Variants in STOX2 observed in about 807,000 individuals in gnomAD.
The protein encoded by STOX2 is storkhead box 2.
Under a neutral mutation model 60.9 loss-of-function variants are expected in STOX2, and 28 were observed. The ratio of observed to expected loss-of-function variants is 0.46; its 90% CI spans 0.34 to 0.63. STOX2 has a LOEUF of 0.63. Among genes scored for constraint, STOX2 ranks in the 30% least tolerant of loss-of-function variants. STOX2 has a pLI of 0.01. For synonymous variants in STOX2, 472 were observed against 463.9 expected (o/e 1.02, Z -0.22); for missense variants, 1,024 against 1,187.7 (o/e 0.86, Z 2.03).
rs1308557656 is a variant in STOX2 at position 184,019,667 on chromosome 4, C to T, written c.*2383C>T. The T allele has an allele frequency of 6.6e-6, 1 of 152,178 alleles. No homozygotes were observed. Among genetic ancestry groups the T allele is most frequent in the African/African-American group, 2.4e-5 (1 of 41,428 alleles). 9.4% of individuals were successfully genotyped at this position (152,178 alleles called of 1,614,324 possible). A position where few individuals can be genotyped will look rare whatever the true frequency, so the allele number is the denominator to read the frequency against. ...ACTATTTGCCTGATGCTATGGGGTA[C>T]ATAATTTTTTAAAAACTCCCTTAGA... On this transcript the variant is annotated 3_prime_UTR_variant, in exon 4 of 4. Coordinates refer to ENST00000308497, the MANE Select transcript of STOX2 (RefSeq NM_020225.3).
chr4:183,817,227 A>G (rs1465052360), intron 1 of STOX2, among the ~76,000 whole-genome samples: 1 of 152,242 alleles, frequency 6.6e-6, no homozygotes, highest in African/African-American at 2.4e-5. Flanking sequence ...TGTGTCATTC[A>G]TAAAAGAATG....
chr4:183,948,540 CTTTTTTTTTT>C (rs10687778), intron 1 of STOX2, among the ~76,000 whole-genome samples: 5 of 78,214 alleles, frequency 6.4e-5, no homozygotes, highest in African/African-American at 2.4e-4. Flanking sequence ...ATGCCTTATC[CTTTTTTTTTT>C]TTTTTTTTTT....
At chr4:183,987,517 G>C (rs13327997) in intron 1 of STOX2, among the ~76,000 whole-genome samples, 12,704 of 151,894 alleles carry the variant, frequency 0.084, 870 homozygotes, top group African/African-American at 0.19. Context: ...TAAGAAACAG[G>C]GGAGGAACCA....
chr4:183,802,827 T>C (rs1579282775), intron 1 of STOX2, among the ~76,000 whole-genome samples: 1 of 152,198 alleles, frequency 6.6e-6, no homozygotes, highest in East Asian at 1.9e-4. Flanking sequence ...CTCACCGTAT[T>C]AGCCGTGATG....
chr4:183,981,617 C>A (rs1487539552), intron 1 of STOX2, among the ~76,000 whole-genome samples: 7 of 152,154 alleles, frequency 4.6e-5, no homozygotes, highest in Non-Finnish European at 7.3e-5. Context: ...ACTGAAAAAT[C>A]ATAAGCTCCT....
chr4:183,941,113 T>G (rs1027943517), intron 1 of STOX2, among the ~76,000 whole-genome samples: 4 of 152,212 alleles, frequency 2.6e-5, no homozygotes, highest in African/African-American at 9.7e-5. Context: ...TCATATTTAG[T>G]TTATCTTTTC....
chr4:183,877,782 G>A (rs371003337), intron 1 of STOX2, among the ~76,000 whole-genome samples: 37 of 152,286 alleles, frequency 2.4e-4, no homozygotes, highest in African/African-American at 7.9e-4. Context: ...CTGAGCTCAA[G>A]TGATTCTCGT....
chr4:183,948,314 C>A (rs1742962559), intron 1 of STOX2, among the ~76,000 whole-genome samples: 1 of 147,028 alleles, frequency 6.8e-6, no homozygotes, highest in Non-Finnish European at 1.5e-5. Context: ...AAGAAGAAGC[C>A]AATAGAGAAT....
chr4:183,961,115 G>A (rs1315120572), intron 1 of STOX2, among the ~76,000 whole-genome samples: 2 of 152,104 alleles, frequency 1.3e-5, no homozygotes, highest in African/African-American at 4.8e-5. Context: ...GCCCTGGAAA[G>A]GTTAAGGCAG....
chr4:183,902,982 G>T (rs529815244), upstream of STOX2, among the ~76,000 whole-genome samples: 1 of 152,108 alleles, frequency 6.6e-6, no homozygotes, highest in Non-Finnish European at 1.5e-5. Context: ...CTCACCTCCC[G>T]TCTTTCATAT....
chr4:183,951,030 A>G (rs1024784512), intron 1 of STOX2, among the ~76,000 whole-genome samples: 2 of 151,874 alleles, frequency 1.3e-5, no homozygotes, highest in Admixed American at 6.6e-5. Flanking sequence ...CCTGGCTAAC[A>G]CGGTGAAACC....
At chr4:184,004,316 T>C (rs1733726141) in intron 2 of STOX2, among the ~76,000 whole-genome samples, 1 of 152,228 alleles carries the variant, frequency 6.6e-6, no homozygotes, top group African/African-American at 2.4e-5. Context: ...CAAAAATTTC[T>C]GGGTCAGGCG....
intron 1 of STOX2, among the ~76,000 whole-genome samples, chr4:183,948,682 C>T (rs528938582): frequency 6.6e-6 from 1 of 151,742 alleles, no homozygotes; most frequent in Non-Finnish European, 1.5e-5. Flanking sequence ...CAGGCACCCA[C>T]CACCACACCT....
At chr4:183,812,121 T>C (rs1739048872) in intron 1 of STOX2, among the ~76,000 whole-genome samples, 1 of 152,098 alleles carries the variant, frequency 6.6e-6, no homozygotes, top group Non-Finnish European at 1.5e-5. Context: ...TTTGTAGAGA[T>C]GGGTCTCACT....
At chr4:183,876,520 T>A (rs1440275840) in intron 1 of STOX2, among the ~76,000 whole-genome samples, 1 of 152,190 alleles carries the variant, frequency 6.6e-6, no homozygotes, top group Non-Finnish European at 1.5e-5. Context: ...AAAGGAGGTT[T>A]TTAAAAGTGA....
chr4:183,864,102 C>G (rs548923698), intron 1 of STOX2, among the ~76,000 whole-genome samples: 5 of 152,104 alleles, frequency 3.3e-5, no homozygotes, highest in African/African-American at 1.2e-4. Flanking sequence ...TTCTGCATTT[C>G]CCAAACTAGG....
At chr4:183,999,750 T>C (rs937653520) in intron 1 of STOX2, among the ~76,000 whole-genome samples, 1 of 152,130 alleles carries the variant, frequency 6.6e-6, no homozygotes, top group Admixed American at 6.5e-5. Flanking sequence ...TCCTAGCCCA[T>C]CAAAGCAGCA....
intron 1 of STOX2, among the ~76,000 whole-genome samples, chr4:183,973,323 GA>G (rs1187887277): frequency 1.3e-5 from 2 of 152,062 alleles, no homozygotes; most frequent in Admixed American, 1.3e-4. Flanking sequence ...AGCAAATAGG[GA>G]AAAATGCTAC....
chr4:183,905,876 T>A lies in STOX2; in HGVS notation c.-915T>A, dbSNP rs1478769732. ...GCAGGCTCGGCGTCCTTGGCAGCCA[T>A]GGCTCCGGCGCCGCCTCGGCCAGTA... On this transcript the variant is annotated 5_prime_UTR_variant, in exon 1 of 4. An upstream start codon of the reference 5' UTR is lost. Transcript: ENST00000308497. The A allele has an allele frequency of 6.6e-6, 1 of 152,192 alleles. No individual in the cohort carries two copies. The highest frequency in any genetic ancestry group is 6.5e-5 in the Admixed American group (1 of 15,282). 9.4% of individuals were successfully genotyped at this position (152,192 alleles called of 1,614,324 possible). A position where few individuals can be genotyped will look rare whatever the true frequency, so the allele number is the denominator to read the frequency against.
Sources: allele counts gnomAD v4.1 joint callset (sites outside exome capture counted in the v4.1 genomes callset), GRCh38; gene constraint gnomAD v4.1.1; transcripts MANE v1.5; gene names NCBI Gene and HGNC (gene_info 2026-07-23, HGNC 2026-07-21).